CNTD1: variants seen among roughly 807,000 people sequenced by gnomAD.
CNTD1 encodes the protein cyclin N-terminal domain containing 1.
Under a neutral mutation model 36.3 loss-of-function variants are expected in CNTD1, and 17 were observed. That is an observed-to-expected ratio of 0.47 (90% CI 0.32 to 0.70). The LOEUF is 0.70. Ranked by LOEUF, CNTD1 falls within the 30% of genes least tolerant of loss-of-function variation. The pLI, the probability that CNTD1 is intolerant of heterozygous loss-of-function variation, is 0.03. For synonymous variants in CNTD1, 128 were observed against 153.3 expected (o/e 0.83, Z 1.22); for missense variants, 338 against 386.1 (o/e 0.88, Z 1.04).
chr17:42,801,207 C>CA (rs58545080), intron 1 of CNTD1, among the ~76,000 whole-genome samples: 1,925 of 140,096 alleles, frequency 0.014, 44 homozygotes, highest in African/African-American at 0.041. Flanking sequence ...AAAACAACAA[C>CA]AAAAAAAAAC....
Position 42,810,918 on chromosome 17 carries a change from C to T in CNTD1, c.*1383C>T. ...CCTGTGTCTTCAATCTTGCCTTTCTCCACATCCATCCTGCAGATGGACAGA... is the reference window on the plus strand; with the variant it reads ...CCTGTGTCTTCAATCTTGCCTTTCTTCACATCCATCCTGCAGATGGACAGA... On this transcript the variant is annotated 3_prime_UTR_variant, in exon 7 of 7. Coordinates refer to ENST00000588408, the MANE Select transcript of CNTD1 (RefSeq NM_173478.3). 2 of 1,607,988 alleles carry T rather than the reference C, an allele frequency of 1.2e-6. No individual in the cohort carries two copies. The highest frequency in any genetic ancestry group is 1.7e-6 in the Non-Finnish European group (2 of 1,177,496).
In CNTD1 at chr17:42,806,758, C is replaced by G. The variant is rs199570963; in HGVS notation, c.665C>G (p.Pro222Arg). The G allele has an allele frequency of 2.5e-6, 4 of 1,614,114 alleles. No individual in the cohort carries two copies. The highest frequency in any genetic ancestry group is 8.5e-7 in the Non-Finnish European group (1 of 1,180,018). Residue 222 changes from proline (P) to arginine (R), a missense_variant, in exon 5 of 7, where the codon CCC becomes CGC. Coordinates refer to ENST00000588408, the MANE Select transcript of CNTD1 (RefSeq NM_173478.3). ...GACCTGGTCTATCTTCTGCATGAAC[C>G]CATATATGAGAGCCTGTTGAGGGCT... The part of the protein sequence containing the change: ...LLDLVYLLHE[P>R]IYESLLRASI...
Position 42,804,521 on chromosome 17 carries a change from A to G in CNTD1, c.417+125A>G, listed in dbSNP as rs1260518175. On this transcript the variant is annotated intron_variant, in intron 3 of 6. Coordinates refer to ENST00000588408, the MANE Select transcript of CNTD1 (RefSeq NM_173478.3). ...AAAATAAATAAATTACAAAGTAAAA[A>G]CAACGGCCGGGCGCGGTGGCTCATG... The G allele has an allele frequency of 9.1e-6, 8 of 877,082 alleles. 1 individual carries two copies. Among genetic ancestry groups the G allele is most frequent in the South Asian group, 8.8e-5 (5 of 56,792 alleles). The allele number at this position is 877,082 out of a possible 1,614,324, so 54.3% of individuals were successfully genotyped here.
At chr17:42,802,705 AAGTT>A (rs1490762305) in intron 1 of CNTD1, among the ~76,000 whole-genome samples, 1 of 152,132 alleles carries the variant, frequency 6.6e-6, no homozygotes, top group African/African-American at 2.4e-5. Context: ...TTTTCTAAGA[AAGTT>A]AAGTTTTCTC....
chr17:42,804,709 G>C (rs903114947), intron 3 of CNTD1, among the ~76,000 whole-genome samples: 1 of 152,122 alleles, frequency 6.6e-6, no homozygotes, highest in African/African-American at 2.4e-5. Flanking sequence ...TCAGGAGGCT[G>C]AGGCAGGAGA....
chr17:42,804,384 C>T lies in CNTD1; in HGVS notation c.405C>T (p.Ser135=). The part of the protein sequence containing the change: ...VSCVQLASKL[S]FRNKIISNIT... ...GTGTTCAGCTGGCCAGCAAACTTTC[C>T]TTCCGAAACAAAGTAAGGAGCTGGG... The change falls in exon 3 of 7, where the codon TCC becomes TCT. Residue 135 remains serine (S), a synonymous_variant. Coordinates refer to ENST00000588408, the MANE Select transcript of CNTD1 (RefSeq NM_173478.3). The T allele has an allele frequency of 6.2e-7, 1 of 1,613,912 alleles. No individual in the cohort carries two copies. The highest frequency in any genetic ancestry group is 8.5e-7 in the Non-Finnish European group (1 of 1,179,880).
chr17:42,806,872 G>T, intron 5 of CNTD1, 54 bp downstream of exon 5: 1 of 1,561,636 alleles, frequency 6.4e-7, no homozygotes, highest in South Asian at 1.1e-5. Context: ...AGGGGAGACA[G>T]ACCACAAGAA....
intron 3 of CNTD1, chr17:42,805,485 AAAGG>A (rs1480509967): frequency 1.9e-5 from 6 of 323,794 alleles, no homozygotes; most frequent in Admixed American, 1.4e-4. Context: ...ATTAGGGAGG[AAAGG>A]AAGGGAGATC....
chr17:42,808,553 TAAAAAAA>T lies in CNTD1; in HGVS notation c.822+707_822+713del, dbSNP rs775660371. Reference sequence around the variant, plus strand: ...GAGACAGAGTGAGACCCCATCTCATTAAAAAAAAAAAAAAAAAAAAAAAATTAGCCGG... The same window carrying T: ...GAGACAGAGTGAGACCCCATCTCATTAAAAAAAAAAAAAAAAATTAGCCGG... On this transcript the variant is annotated intron_variant, in intron 6 of 6. Transcript: ENST00000588408. 8.8e-3 allele frequency among the ~76,000 whole-genome samples: 876 copies of T among 99,896 alleles called. 20 individuals are homozygous for T. The highest frequency in any genetic ancestry group is 0.056 in the East Asian group (207 of 3,704). The allele number at this position is 99,896 out of a possible 152,430, so 65.5% of individuals were successfully genotyped here.
Position 42,809,698 on chromosome 17 carries a change from G to GGAC in CNTD1, c.*166_*168dup, listed in dbSNP as rs773408006. 28 of 599,818 alleles carry GGAC rather than the reference G, an allele frequency of 4.7e-5. No homozygotes were observed. Among genetic ancestry groups the GGAC allele is most frequent in the African/African-American group, 7.6e-5 (4 of 52,816 alleles). 37.2% of individuals were successfully genotyped at this position (599,818 alleles called of 1,614,324 possible). On this transcript the variant is annotated 3_prime_UTR_variant, in exon 7 of 7. Transcript: ENST00000588408. ...TTCCTTTATCAGAGAGAGTTAAGGT[G>GGAC]GACGAGCATGCCCTTTTTGTCATAT...
intron 5 of CNTD1, 61 bp from the exon 6 acceptor site, chr17:42,807,707 T>C: frequency 8.4e-7 from 1 of 1,194,978 alleles, no homozygotes. Context: ...TCCATGACCC[T>C]ATGATTTGGA....
At position 42,809,297 on chromosome 17, in the gene CNTD1, G is replaced by A. The variant is rs1270426920; in HGVS notation, c.823-68G>A. 8.8e-6 allele frequency: 12 copies of A among 1,358,174 alleles called. No homozygotes were observed. The East Asian group carries it at 1.4e-4, about 16-fold the overall frequency. The allele number at this position is 1,358,174 out of a possible 1,614,324, so 84.1% of individuals were successfully genotyped here. A position where few individuals can be genotyped will look rare whatever the true frequency, so the allele number is the denominator to read the frequency against. On this transcript the variant is annotated intron_variant, in intron 6 of 6. Coordinates refer to ENST00000588408, the MANE Select transcript of CNTD1 (RefSeq NM_173478.3). ...GCCTTGAGAGAACATCCCAAGTAATGTGTGTGTTTGTGCACTAAAATGTGT... is the reference window on the plus strand; with the variant it reads ...GCCTTGAGAGAACATCCCAAGTAATATGTGTGTTTGTGCACTAAAATGTGT...
At position 42,806,675 on chromosome 17, in the gene CNTD1, A is replaced by T. The variant is rs774981060; in HGVS notation, c.582A>T (p.Gly194=). The T allele has an allele frequency of 1.2e-6, 2 of 1,613,966 alleles. No homozygotes were observed. The highest frequency in any genetic ancestry group is 8.5e-7 in the Non-Finnish European group (1 of 1,179,836). The part of the protein sequence containing the change: ...AYVETLLEVL[G]YNGCLVPAMR... ...CTATCATTCCCATACTCCATCTAGG[A>T]TACAATGGCTGTTTGGTTCCAGCCA... Residue 194 remains glycine (G), a splice_region_variant and synonymous_variant, in exon 5 of 7, where the codon GGA becomes GGT. Coordinates refer to ENST00000588408, the MANE Select transcript of CNTD1 (RefSeq NM_173478.3).
chr17:42,811,221 G>C lies in CNTD1; in HGVS notation c.*1686G>C, dbSNP rs1386481756. On this transcript the variant is annotated 3_prime_UTR_variant, in exon 7 of 7. Coordinates refer to ENST00000588408, the MANE Select transcript of CNTD1 (RefSeq NM_173478.3). Reference sequence around the variant, plus strand: ...TCTTGCTGTTTTCCTAGGCATCCCTGAACTTGGCGGGGGAGAAAGGAGGCA... The same window carrying C: ...TCTTGCTGTTTTCCTAGGCATCCCTCAACTTGGCGGGGGAGAAAGGAGGCA... 8 of 330,406 alleles carry C rather than the reference G, an allele frequency of 2.4e-5. No individual in the cohort carries two copies. The highest frequency in any genetic ancestry group is 3.8e-5 in the Non-Finnish European group (7 of 184,392). The allele number at this position is 330,406 out of a possible 1,614,324, so 20.5% of individuals were successfully genotyped here. A position where few individuals can be genotyped will look rare whatever the true frequency, so the allele number is the denominator to read the frequency against.
At chr17:42,805,657 G>A in intron 3 of CNTD1, 65 bp from the exon 4 acceptor site, 1 of 1,393,608 alleles carries the variant, frequency 7.2e-7, no homozygotes, top group Non-Finnish European at 9.9e-7. Context: ...AGGGCTTTGT[G>A]CACTCTGTCA....
At position 42,805,707 on chromosome 17, in the gene CNTD1, CTTT is replaced by C; in HGVS notation, c.418-13_418-11del. The C allele has an allele frequency of 1.2e-6, 2 of 1,605,428 alleles. No individual in the cohort carries two copies. The highest frequency in any genetic ancestry group is 1.7e-6 in the Non-Finnish European group (2 of 1,175,788). On this transcript the variant is annotated splice_polypyrimidine_tract_variant and intron_variant, in intron 3 of 6. Coordinates refer to ENST00000588408, the MANE Select transcript of CNTD1 (RefSeq NM_173478.3). ...TATCCTAACATTCTTCTTTCCCTCT[CTTT>C]TCTTTGCTCAGATAATCAGCAACAT...
At chr17:42,798,801 G>T (rs1165159785), upstream of CNTD1, 42 of 1,454,534 alleles carry the variant, frequency 2.9e-5, no homozygotes, top group East Asian at 1.0e-3. Context: ...CAGAGCCGCG[G>T]TTCCCGGGCA....
chr17:42,811,512 T>C lies in CNTD1; in HGVS notation c.*1977T>C. On this transcript the variant is annotated 3_prime_UTR_variant, in exon 7 of 7. Coordinates refer to ENST00000588408, the MANE Select transcript of CNTD1 (RefSeq NM_173478.3). ...TGTCCTGCTTGCAGTACTGGGTCAG[T>C]CTCTGCCCATCAATGTCATGTGATT... 2 of 1,064,076 alleles carry C rather than the reference T, an allele frequency of 1.9e-6. No individual in the cohort carries two copies. The highest frequency in any genetic ancestry group is 2.7e-6 in the Non-Finnish European group (2 of 734,560). 65.9% of individuals were successfully genotyped at this position (1,064,076 alleles called of 1,614,324 possible). A position where few individuals can be genotyped will look rare whatever the true frequency, so the allele number is the denominator to read the frequency against.
rs967154512 is a variant in CNTD1 at position 42,803,845 on chromosome 17, T to C, written c.245+150T>C. The C allele has an allele frequency of 1.5e-5, 11 of 709,854 alleles. No individual in the cohort carries two copies. In the African/African-American group the frequency reaches 1.6e-4, roughly 10 times the overall value. 44.0% of individuals were successfully genotyped at this position (709,854 alleles called of 1,614,324 possible). On this transcript the variant is annotated intron_variant, in intron 2 of 6. Coordinates refer to ENST00000588408, the MANE Select transcript of CNTD1 (RefSeq NM_173478.3). Reference sequence around the variant, plus strand: ...GCAAATATAAATTTCTTTGTTGTTATTGTTGTTTTGAGACAGGGTCTTGCT... The same window carrying C: ...GCAAATATAAATTTCTTTGTTGTTACTGTTGTTTTGAGACAGGGTCTTGCT...
Sources: allele counts gnomAD v4.1 joint callset (sites outside exome capture counted in the v4.1 genomes callset), GRCh38; gene constraint gnomAD v4.1.1; transcripts MANE v1.5; gene names NCBI Gene and HGNC (gene_info 2026-07-23, HGNC 2026-07-21).